Variants in MYLK4 observed in about 807,000 individuals in gnomAD.
The protein encoded by MYLK4 is myosin light chain kinase family member 4.
MYLK4 carries 46 observed loss-of-function variants against 48.1 expected under a neutral mutation model. That is an observed-to-expected ratio of 0.96 (90% CI 0.75 to 1.22). The LOEUF (loss-of-function observed/expected upper bound fraction) is 1.22. Among genes scored for constraint, MYLK4 ranks in the 50% most tolerant of loss-of-function variants. The pLI is 0.00. For synonymous variants in MYLK4, 170 were observed against 180.8 expected (o/e 0.94, Z 0.48); for missense variants, 451 against 486.1 (o/e 0.93, Z 0.68).
At chr6:2,728,400 A>C (rs1355580455) in intron 2 of MYLK4, among the ~76,000 whole-genome samples, 3 of 151,778 alleles carry the variant, frequency 2.0e-5, no homozygotes, top group African/African-American at 7.3e-5. Flanking sequence ...GTATTGTCTG[A>C]AGAGTTTTAT....
intron 10 of MYLK4, among the ~76,000 whole-genome samples, chr6:2,675,756 G>A (rs1320972208): frequency 6.6e-6 from 1 of 152,194 alleles, no homozygotes; most frequent in Non-Finnish European, 1.5e-5. Flanking sequence ...ACATTTGTTT[G>A]ATGTGCTAAC....
rs542850029 is a variant in MYLK4 at position 2,673,026 on chromosome 6, C to T, written c.1120-1678G>A. Among the ~76,000 whole-genome samples the T allele has an allele frequency of 3.5e-4, 54 of 152,286 alleles. No individual in the cohort carries two copies. The highest frequency in any genetic ancestry group is 1.2e-3 in the African/African-American group (51 of 41,570). On this transcript the variant is annotated intron_variant, in intron 11 of 12. Transcript: ENST00000274643. The surrounding 1 kb of genome is among the most constrained non-coding windows in gnomAD (Gnocchi z 4.2). The stretch of plus-strand genomic sequence containing the variant: ...TCATTAAAAAAAACCCATCATCACT[C>T]TTGAACTATCTATTCACCTCAGGTA...
chr6:2,669,771 T>C (rs1760812262), intron 12 of MYLK4, among the ~76,000 whole-genome samples: 2 of 152,180 alleles, frequency 1.3e-5, no homozygotes, highest in Admixed American at 1.3e-4. Flanking sequence ...TCTCCTACCT[T>C]ATTGAGACTT....
chr6:2,717,430 A>T (rs1762907755), intron 2 of MYLK4, among the ~76,000 whole-genome samples: 1 of 152,180 alleles, frequency 6.6e-6, no homozygotes, highest in African/African-American at 2.4e-5. Context: ...AATCCAATTG[A>T]CACCTGCTTC....
chr6:2,670,425 G>A (rs7748557), intron 12 of MYLK4, among the ~76,000 whole-genome samples: 4,561 of 152,098 alleles, frequency 0.03, 246 homozygotes, highest in African/African-American at 0.1. Flanking sequence ...CTCACAAGTC[G>A]TCAACGCTGT....
At chr6:2,675,729 T>G (rs1761055277) in intron 10 of MYLK4, among the ~76,000 whole-genome samples, 1 of 152,202 alleles carries the variant, frequency 6.6e-6, no homozygotes, top group African/African-American at 2.4e-5. Flanking sequence ...TTACCATATT[T>G]AAATTCTAAG....
intron 12 of MYLK4, among the ~76,000 whole-genome samples, chr6:2,668,585 G>A (rs1013938628): frequency 6.6e-6 from 1 of 152,096 alleles, no homozygotes; most frequent in African/African-American, 2.4e-5. Flanking sequence ...ATAATCTTCA[G>A]CCACCAGATT....
chr6:2,671,982 G>A (rs903857712), intron 11 of MYLK4, among the ~76,000 whole-genome samples: 4 of 152,160 alleles, frequency 2.6e-5, no homozygotes, highest in Non-Finnish European at 4.4e-5. Context: ...TGGGAAACGC[G>A]TGAAGATTTT....
chr6:2,725,340 C>A (rs1163981772), intron 2 of MYLK4, among the ~76,000 whole-genome samples: 2 of 151,932 alleles, frequency 1.3e-5, no homozygotes, highest in African/African-American at 4.8e-5. Flanking sequence ...GTGGTACACA[C>A]CTACAGTCTG....
chr6:2,728,890 C>T (rs1017490062), intron 2 of MYLK4, among the ~76,000 whole-genome samples: 1 of 152,214 alleles, frequency 6.6e-6, no homozygotes, highest in African/African-American at 2.4e-5. Flanking sequence ...GGAAAGAGAG[C>T]TGAGAATCTC....
At chr6:2,747,720 C>T (rs533046800) in intron 2 of MYLK4, among the ~76,000 whole-genome samples, 1 of 152,206 alleles carries the variant, frequency 6.6e-6, no homozygotes, top group East Asian at 1.9e-4. Context: ...AAAAACAGTA[C>T]TTGAAAGATA....
At chr6:2,690,821 A>ATTTTTTTTT (rs1561842811) in intron 3 of MYLK4, among the ~76,000 whole-genome samples, 1 of 127,812 alleles carries the variant, frequency 7.8e-6, no homozygotes, top group African/African-American at 3.2e-5. Flanking sequence ...ATCTCTCTGA[A>ATTTTTTTTT]TCTTTTTTTT....
the MYLK4 span, among the ~76,000 whole-genome samples, chr6:2,761,356 T>C: frequency 6.6e-6 from 1 of 152,248 alleles, no homozygotes; most frequent in Non-Finnish European, 1.5e-5. Context: ...TATACGAGTT[T>C]AAATTTATTT....
the MYLK4 span, among the ~76,000 whole-genome samples, chr6:2,760,832 G>C: frequency 1.3e-5 from 2 of 152,296 alleles, no homozygotes; most frequent in Non-Finnish European, 2.9e-5. Context: ...AAATGTGTTA[G>C]AATAAACAAT....
chr6:2,756,889 T>C, the MYLK4 span, among the ~76,000 whole-genome samples: 2 of 152,230 alleles, frequency 1.3e-5, no homozygotes, highest in Non-Finnish European at 2.9e-5. Context: ...AATGTTTATG[T>C]TTATGTTCTC....
chr6:2,740,473 G>A (rs948803978), intron 2 of MYLK4, among the ~76,000 whole-genome samples: 4 of 152,298 alleles, frequency 2.6e-5, no homozygotes, highest in South Asian at 2.1e-4. Flanking sequence ...TGGAGATGGC[G>A]CCCGGGGAAT....
chr6:2,680,443 T>A (rs1761251921), intron 7 of MYLK4, 152 bp from the exon 8 acceptor site: 4 of 1,496,464 alleles, frequency 2.7e-6, no homozygotes, highest in Non-Finnish European at 3.5e-6. Flanking sequence ...ACTTTCTCCT[T>A]TAATTATGTG....
chr6:2,743,198 A>T (rs1243278239), intron 2 of MYLK4, among the ~76,000 whole-genome samples: 1 of 152,112 alleles, frequency 6.6e-6, no homozygotes, highest in African/African-American at 2.4e-5. Flanking sequence ...CCATAAACCC[A>T]CCTTCAGACA....
chr6:2,670,309 T>A (rs1205244538), intron 12 of MYLK4, among the ~76,000 whole-genome samples: 1 of 152,116 alleles, frequency 6.6e-6, no homozygotes, highest in African/African-American at 2.4e-5. Flanking sequence ...GGGGTTGCAG[T>A]GAGCCAAGAT....
Sources: gnomAD v4.1 joint callset for allele counts (sites outside exome capture counted in the v4.1 genomes callset) on GRCh38, gnomAD v4.1.1 for gene constraint, Gnocchi (gnomAD v3.1) non-coding constraint, MANE v1.5 for transcripts, NCBI Gene and HGNC (gene_info 2026-07-23, HGNC 2026-07-21) for gene names.